The following ABTB2 variants were observed in gnomAD, a reference collection of about 807,000 sequenced individuals.
The protein encoded by ABTB2 is ankyrin repeat and BTB/POZ domain-containing protein 2.
ABTB2 carries 56 observed loss-of-function variants against 104.1 expected under a neutral mutation model. The ratio of observed to expected loss-of-function variants is 0.54; its 90% CI spans 0.43 to 0.67. ABTB2 has a LOEUF of 0.67. Ranked by LOEUF, ABTB2 falls within the 30% of genes least tolerant of loss-of-function variation. The probability of loss-of-function intolerance (pLI) is 0.00; values close to 1 mark genes in which losing one functional copy is unlikely to be tolerated. For synonymous variants in ABTB2, 606 were observed against 608.2 expected (o/e 1.00, Z 0.05); for missense variants, 1,279 against 1,407.7 (o/e 0.91, Z 1.46).
At chr11:34,183,390 G>A (rs1019599332) in intron 3 of ABTB2, among the ~76,000 whole-genome samples, 18 of 152,188 alleles carry the variant, frequency 1.2e-4, no homozygotes, top group African/African-American at 4.3e-4. Context: ...GTGAGCCACC[G>A]TGCCCAGCTG....
intron 3 of ABTB2, among the ~76,000 whole-genome samples, chr11:34,180,532 G>T (rs934305804): frequency 6.6e-6 from 1 of 152,164 alleles, no homozygotes; most frequent in Non-Finnish European, 1.5e-5. Flanking sequence ...CACTTAAAAA[G>T]GTCAGTGGCT....
At chr11:34,317,710 C>G (rs1434897519) in intron 1 of ABTB2, among the ~76,000 whole-genome samples, 1 of 140,732 alleles carries the variant, frequency 7.1e-6, no homozygotes, top group Non-Finnish European at 1.5e-5. Flanking sequence ...TGCAGTGCAC[C>G]AAGATGTTGT....
At chr11:34,275,977 A>C (rs773798223) in intron 1 of ABTB2, among the ~76,000 whole-genome samples, 2 of 152,202 alleles carry the variant, frequency 1.3e-5, no homozygotes, top group Non-Finnish European at 2.9e-5. Flanking sequence ...GGCTCCAATC[A>C]AGGCCACTGT....
intron 1 of ABTB2, among the ~76,000 whole-genome samples, chr11:34,212,621 C>T (rs966045146): frequency 3.3e-5 from 5 of 152,170 alleles, no homozygotes; most frequent in Non-Finnish European, 7.3e-5. Context: ...CACACTGGCT[C>T]AGTCTGAAGG....
chr11:34,245,866 G>A (rs1301761593), intron 1 of ABTB2, among the ~76,000 whole-genome samples: 1 of 152,228 alleles, frequency 6.6e-6, no homozygotes, highest in Non-Finnish European at 1.5e-5. Context: ...AGTATCAGGA[G>A]CCACTGTGCT....
intron 1 of ABTB2, among the ~76,000 whole-genome samples, chr11:34,266,216 G>A (rs763936667): frequency 2.0e-5 from 3 of 152,226 alleles, no homozygotes; most frequent in East Asian, 1.9e-4. Flanking sequence ...TCAAGTAGCT[G>A]GGACTCCAGG....
At chr11:34,273,273 C>T (rs4756124) in intron 1 of ABTB2, among the ~76,000 whole-genome samples, 17,501 of 152,146 alleles carry the variant, frequency 0.12, 1,200 homozygotes, top group Admixed American at 0.21. Flanking sequence ...CAAGGATACA[C>T]CAGGGGTCTA....
At chr11:34,163,433 C>T (rs574593317) in intron 9 of ABTB2, among the ~76,000 whole-genome samples, 2 of 152,312 alleles carry the variant, frequency 1.3e-5, no homozygotes, top group East Asian at 3.9e-4. Context: ...CTTTTAGCCT[C>T]GTGAGAGCCC....
chr11:34,352,061 T>A (rs994846877), intron 1 of ABTB2, among the ~76,000 whole-genome samples: 1 of 152,202 alleles, frequency 6.6e-6, no homozygotes, highest in African/African-American at 2.4e-5. Flanking sequence ...TGGAAACTGA[T>A]TAAACACCAC....
intron 1 of ABTB2, among the ~76,000 whole-genome samples, chr11:34,273,968 A>C (rs954400602): frequency 6.6e-6 from 1 of 150,836 alleles, no homozygotes; most frequent in African/African-American, 2.4e-5. Context: ...CTGGCTAACA[A>C]GGTGAAACCC....
intron 1 of ABTB2, among the ~76,000 whole-genome samples, chr11:34,226,435 G>A (rs1344258886): frequency 1.3e-5 from 2 of 152,116 alleles, no homozygotes; most frequent in South Asian, 2.1e-4. Context: ...CAATGAACAA[G>A]TGCAGACTAC....
intron 16 of ABTB2, among the ~76,000 whole-genome samples, chr11:34,153,524 A>G (rs1273466892): frequency 1.3e-5 from 2 of 152,122 alleles, no homozygotes; most frequent in Non-Finnish European, 2.9e-5. Context: ...GCACGCCACC[A>G]CACTCAGCTA....
intron 1 of ABTB2, among the ~76,000 whole-genome samples, chr11:34,331,297 C>T (rs1406005309): frequency 1.3e-5 from 2 of 152,148 alleles, no homozygotes; most frequent in African/African-American, 4.8e-5. Flanking sequence ...GTAAGTATTG[C>T]TTAACGCGGA....
intron 13 of ABTB2, 21 bp from the exon 14 acceptor site, chr11:34,159,407 C>T (rs1378583162): frequency 5.0e-6 from 8 of 1,586,136 alleles, no homozygotes; most frequent in Non-Finnish European, 6.9e-6. Flanking sequence ...GGAGACAAAG[C>T]AAGGTGGGTT....
intron 1 of ABTB2, among the ~76,000 whole-genome samples, chr11:34,250,805 C>A (rs564614675): frequency 6.6e-6 from 1 of 152,304 alleles, no homozygotes; most frequent in Non-Finnish European, 1.5e-5. Flanking sequence ...TGAGATCCTA[C>A]CAGGTGTGTA....
At chr11:34,318,934 G>T (rs56088436) in intron 1 of ABTB2, among the ~76,000 whole-genome samples, 1 of 152,164 alleles carries the variant, frequency 6.6e-6, no homozygotes, top group African/African-American at 2.4e-5. Context: ...AAGGAAGCTT[G>T]CATGCCTTTC....
At chr11:34,341,471 T>C (rs975993300) in intron 1 of ABTB2, among the ~76,000 whole-genome samples, 3 of 152,218 alleles carry the variant, frequency 2.0e-5, no homozygotes, top group Admixed American at 2.0e-4. Flanking sequence ...TGACCCACTC[T>C]AATGGCTGTA....
chr11:34,273,611 G>T (rs879711167), intron 1 of ABTB2, among the ~76,000 whole-genome samples: 1 of 152,078 alleles, frequency 6.6e-6, no homozygotes, highest in Non-Finnish European at 1.5e-5. Context: ...GCAGACCTCC[G>T]AGGAGAGGGA....
chr11:34,195,447 G>T (rs1268903228), intron 3 of ABTB2, among the ~76,000 whole-genome samples: 2 of 152,220 alleles, frequency 1.3e-5, no homozygotes, highest in Admixed American at 6.5e-5. Context: ...GCTGTGTCAG[G>T]CCCAGGGTGG....
Sources: allele counts gnomAD v4.1 joint callset (sites outside exome capture counted in the v4.1 genomes callset), GRCh38; gene constraint gnomAD v4.1.1; transcripts MANE v1.5; gene names NCBI Gene and HGNC (gene_info 2026-07-23, HGNC 2026-07-21).